Variants in PRUNE2 observed in about 807,000 individuals in gnomAD.
PRUNE2 encodes the protein prune homolog 2 with BCH domain, also known as protein prune homolog 2.
A neutral mutation model predicts 252.0 loss-of-function variants in PRUNE2; 164 were observed. That is an observed-to-expected ratio of 0.65 (90% CI 0.57 to 0.74). The LOEUF (loss-of-function observed/expected upper bound fraction) is 0.74, where lower values mean the gene tolerates loss of function less well. PRUNE2 is among the 30% of genes least tolerant of loss of function. The probability of loss-of-function intolerance (pLI) is 0.00; values close to 1 mark genes in which losing one functional copy is unlikely to be tolerated. For missense variants in PRUNE2, 3,495 were observed against 3,711.0 expected, an observed-to-expected ratio of 0.94 and a Z score of 1.51; for synonymous variants, 1,292 against 1,350.2, an observed-to-expected ratio of 0.96 and a Z score of 0.94.
chr9:76,649,612 T>TAGATGATAGATAGATA lies in PRUNE2; in HGVS notation c.8557+2870_8557+2871insTATCTATCTATCATCT, dbSNP rs1554795862. 9.3e-5 allele frequency among the ~76,000 whole-genome samples: 14 copies of TAGATGATAGATAGATA among 149,986 alleles called. No individual in the cohort carries two copies. In the East Asian group the frequency reaches 9.9e-4, roughly 11 times the overall value. ...AAGTATAGATAGATAGATAGATAGA[T>TAGATGATAGATAGATA]GATAGATAGATAGATAGATAGATAG... On this transcript the variant is annotated intron_variant, in intron 11 of 18. Transcript: ENST00000376718.
At position 76,854,120 on chromosome 9, in the gene PRUNE2, G is replaced by GC. The variant is rs771295393; in HGVS notation, c.124dup (p.Ala42GlyfsTer24). The GC allele has an allele frequency of 1.3e-6, 2 of 1,582,052 alleles. No homozygotes were observed. Among genetic ancestry groups the GC allele is most frequent in the East Asian group, 4.5e-5 (2 of 44,504 alleles). On this transcript the variant is annotated frameshift_variant, in exon 2 of 19. Transcript: ENST00000376718. LOFTEE classifies it high-confidence loss of function. ...TTCCCTCACCTTGTCTAGAAAGTAAGCATATGTGAAGGTAGAAATGAGAGA... is the reference window on the plus strand; with the variant it reads ...TTCCCTCACCTTGTCTAGAAAGTAAGCCATATGTGAAGGTAGAAATGAGAGA...
chr9:76,725,893 C>CACTTAACTGTA (rs2048061765), intron 6 of PRUNE2, among the ~76,000 whole-genome samples: 1 of 152,204 alleles, frequency 6.6e-6, no homozygotes, highest in Admixed American at 6.5e-5. Flanking sequence ...AGTCACAAGT[C>CACTTAACTGTA]ACAGAAACTT....
At chr9:76,648,539 G>A (rs550065337) in intron 11 of PRUNE2, among the ~76,000 whole-genome samples, 66 of 152,290 alleles carry the variant, frequency 4.3e-4, no homozygotes, top group Middle Eastern at 3.4e-3. Context: ...CCTTAATTGC[G>A]TAAGTGAAGG....
In PRUNE2 at chr9:76,896,113, T is replaced by C. The variant is rs567478805; in HGVS notation, c.36+9815A>G. On this transcript the variant is annotated intron_variant, in intron 1 of 18. Transcript: ENST00000376718. ...TTATAGGTCCTGTTTGATTTTGGTT[T>C]TGTTTGTGTAGTTTCCCCATCGTAA... is the stretch of plus-strand genomic sequence containing the variant. Among the ~76,000 whole-genome samples, 105 of 103,324 alleles carry C rather than the reference T, an allele frequency of 1.0e-3. 1 individual carries two copies. Among genetic ancestry groups the C allele is most frequent in the Admixed American group, 4.6e-3 (50 of 10,950 alleles). The allele number at this position is 103,324 out of a possible 152,430, so 67.8% of individuals were successfully genotyped here. A position where few individuals can be genotyped will look rare whatever the true frequency, so the allele number is the denominator to read the frequency against.
At chr9:76,668,347 G>A (rs1160142856) in intron 9 of PRUNE2, among the ~76,000 whole-genome samples, 1 of 152,090 alleles carries the variant, frequency 6.6e-6, no homozygotes, top group African/African-American at 2.4e-5. Flanking sequence ...TTTCCCAACT[G>A]TGCTATGCTG....
intron 6 of PRUNE2, among the ~76,000 whole-genome samples, chr9:76,812,899 AAC>A (rs1162069388): frequency 6.6e-6 from 1 of 152,236 alleles, no homozygotes; most frequent in Non-Finnish European, 1.5e-5. Flanking sequence ...TTGCAAGTTA[AAC>A]ACAGTCATTA....
chr9:76,718,046 A>G (rs904203387), intron 6 of PRUNE2, among the ~76,000 whole-genome samples: 1 of 152,238 alleles, frequency 6.6e-6, no homozygotes, highest in African/African-American at 2.4e-5. Context: ...ATTATAACCC[A>G]GAGGAGGAAA....
intron 1 of PRUNE2, among the ~76,000 whole-genome samples, chr9:76,893,303 T>C (rs1228581066): frequency 6.6e-6 from 1 of 152,206 alleles, no homozygotes; most frequent in Non-Finnish European, 1.5e-5. Context: ...TAGTTTCCAG[T>C]GTAAAGGTCT....
intron 9 of PRUNE2, among the ~76,000 whole-genome samples, chr9:76,686,402 T>C (rs2044094594): frequency 6.6e-6 from 1 of 152,218 alleles, no homozygotes; most frequent in Admixed American, 6.5e-5. Context: ...ACACTCATCA[T>C]AGGAAATCCA....
At position 76,704,016 on chromosome 9, in the gene PRUNE2, C is replaced by A; in HGVS notation, c.7597G>T (p.Glu2533Ter). Residue 2533 changes from glutamate (E) to a stop codon, truncating the protein, a stop_gained, in exon 9 of 19, where the codon GAA (glutamate) becomes TAA (stop). Coordinates refer to ENST00000376718, the MANE Select transcript of PRUNE2 (RefSeq NM_015225.3). LOFTEE classifies it high-confidence loss of function. ...TCATTCTTCTCTGTACATCTTTCTT[C>A]CTTGTATTCTGATTTTATCTGCTCA... The part of the protein sequence containing the change: ...EPEQIKSEYK[E>*]ERCTEKNEDR... 2 of 1,613,622 alleles carry A rather than the reference C, an allele frequency of 1.2e-6. No individual in the cohort carries two copies. Among genetic ancestry groups the A allele is most frequent in the Non-Finnish European group, 1.7e-6 (2 of 1,179,744 alleles).
intron 1 of PRUNE2, among the ~76,000 whole-genome samples, chr9:76,885,723 C>A (rs1185682142): frequency 1.3e-5 from 2 of 152,112 alleles, no homozygotes; most frequent in Admixed American, 6.6e-5. Flanking sequence ...CTGACTCCAC[C>A]CCTTCCTGCC....
chr9:76,637,779 TA>T (rs1157851975), intron 13 of PRUNE2, among the ~76,000 whole-genome samples: 1 of 152,178 alleles, frequency 6.6e-6, no homozygotes, highest in Admixed American at 6.5e-5. Flanking sequence ...ATGTATGGGT[TA>T]GAAAGAATCC....
At chr9:76,647,372 C>T (rs1331041891) in intron 11 of PRUNE2, among the ~76,000 whole-genome samples, 2 of 152,114 alleles carry the variant, frequency 1.3e-5, no homozygotes, top group Admixed American at 1.3e-4. Flanking sequence ...TGATCCTTCA[C>T]AAAAGTTAAT....
At position 76,644,742 on chromosome 9, in the gene PRUNE2, C is replaced by A; in HGVS notation, c.8725G>T (p.Gly2909Ter). 1 of 1,613,546 alleles carries A rather than the reference C, an allele frequency of 6.2e-7. No individual in the cohort carries two copies. Among genetic ancestry groups the A allele is most frequent in the Non-Finnish European group, 8.5e-7 (1 of 1,179,594 alleles). The change falls in exon 12 of 19, where the codon GGA becomes TGA. Residue 2909 changes from glycine to a stop codon, truncating the protein, a stop_gained. Coordinates refer to ENST00000376718, the MANE Select transcript of PRUNE2 (RefSeq NM_015225.3). LOFTEE classifies it high-confidence loss of function. ...IEPYRRVISHGGYYGDGLNAI... is the reference protein window; with the variant it reads ...IEPYRRVISH ...GATTCATGCTGAGCTCGACTACCTC[C>A]GTGAGAAATGACTCTCCTGTAGGGC... is the stretch of plus-strand genomic sequence containing the variant.
rs611461 is a variant in PRUNE2, at chr9:76,710,699, A to G, written c.1575T>C (p.Ser525=). 0.77 allele frequency: 1,248,691 copies of G among 1,611,890 alleles called. 485,553 individuals carry two copies. The highest frequency in any genetic ancestry group is 0.95 in the East Asian group (42,828 of 44,866). The change falls in exon 8 of 19, where the codon AGT becomes AGC. Residue 525 remains serine (S), a synonymous_variant. Transcript: ENST00000376718. ...CGGGGAGCTGTCCTTCTGACAGGTC[A>G]CTGTTGGGGAAGAAGTCATCTGCTG... ...YSPADDFFPN[S]DLSEGQLPAG...
chr9:76,671,999 G>A (rs1358670765), intron 9 of PRUNE2, among the ~76,000 whole-genome samples: 4 of 150,868 alleles, frequency 2.7e-5, no homozygotes, highest in African/African-American at 4.9e-5. Flanking sequence ...ATCAACTAAC[G>A]AGCAAAATAA....
chr9:76,878,859 T>C (rs1309544717), intron 1 of PRUNE2, among the ~76,000 whole-genome samples: 3 of 152,242 alleles, frequency 2.0e-5, no homozygotes, highest in Admixed American at 6.5e-5. Context: ...TCCCTTCTAG[T>C]CCTTTCCATC....
rs549118916 is a variant in PRUNE2, at chr9:76,708,161, A to T, written c.4113T>A (p.Ser1371=). Residue 1371 remains serine, a synonymous_variant, in exon 8 of 19, where the codon TCT becomes TCA. Transcript: ENST00000376718. ...ATTTAATGCAGATTTCCTGATGTTC[A>T]GATGCAACCAGAGAAGACAGTTCCT... ...SDQELSSLVA[S]EHQEICIKSG... The T allele has an allele frequency of 1.9e-5, 31 of 1,614,022 alleles. No individual in the cohort carries two copies. Among genetic ancestry groups the T allele is most frequent in the Middle Eastern group, 1.6e-4 (1 of 6,062 alleles).
At chr9:76,872,634 CA>C (rs2061278230) in intron 1 of PRUNE2, among the ~76,000 whole-genome samples, 6 of 151,732 alleles carry the variant, frequency 4.0e-5, no homozygotes, top group African/African-American at 7.3e-5. Flanking sequence ...CACACACACA[CA>C]CACACACACC....
Sources: allele counts gnomAD v4.1 joint callset (sites outside exome capture counted in the v4.1 genomes callset), GRCh38; gene constraint gnomAD v4.1.1; transcripts MANE v1.5; gene names NCBI Gene and HGNC (gene_info 2026-07-23, HGNC 2026-07-21).